Variants in RSU1 observed in about 807,000 individuals in gnomAD.
RSU1 encodes the protein Ras suppressor protein 1, also known as rsu-1.
Under a neutral mutation model 31.1 loss-of-function variants are expected in RSU1, and 26 were observed. The observed-to-expected ratio is 0.84, with a 90% CI of 0.61 to 1.16. The LOEUF (loss-of-function observed/expected upper bound fraction) is 1.16. Ranked by LOEUF, RSU1 falls within the 50% of genes most tolerant of loss-of-function variation. The pLI, the probability that RSU1 is intolerant of heterozygous loss-of-function variation, is 0.00. For synonymous variants in RSU1, 164 were observed against 136.3 expected, an observed-to-expected ratio of 1.20 and a Z score of -1.41; for missense variants, 320 against 339.1, an observed-to-expected ratio of 0.94 and a Z score of 0.44.
chr10:16,626,993 C>A (rs976008457), intron 8 of RSU1, among the ~76,000 whole-genome samples: 1 of 152,176 alleles, frequency 6.6e-6, no homozygotes, highest in Non-Finnish European at 1.5e-5. Flanking sequence ...GAATGCAAAG[C>A]ATTTTCTGGC....
intron 8 of RSU1, among the ~76,000 whole-genome samples, chr10:16,636,062 C>T (rs1834339709): frequency 6.6e-6 from 1 of 152,182 alleles, no homozygotes; most frequent in African/African-American, 2.4e-5. Flanking sequence ...TGCCTCCAGG[C>T]TTGGTGTATG....
chr10:16,796,363 G>A (rs146693665), intron 2 of RSU1, among the ~76,000 whole-genome samples: 4 of 152,150 alleles, frequency 2.6e-5, no homozygotes, highest in South Asian at 2.1e-4. Context: ...GCCTCGCTAC[G>A]TCTTCACTGT....
rs576890584 is a variant in RSU1 at position 16,662,180 on chromosome 10, C to A, written c.731+32843G>T. Reference sequence around the variant, plus strand: ...TGAGACCAAAATTCATTCTGTAACACCCACACAGCTGGTATAACACAATAC... The same window carrying A: ...TGAGACCAAAATTCATTCTGTAACAACCACACAGCTGGTATAACACAATAC... On this transcript the variant is annotated intron_variant, in intron 8 of 8. Transcript: ENST00000345264. 4.6e-5 allele frequency among the ~76,000 whole-genome samples: 7 copies of A among 152,174 alleles called. No individual in the cohort carries two copies. The South Asian group carries it at 1.4e-3, about 32-fold the overall frequency.
At chr10:16,800,738 A>G (rs1419908052) in intron 2 of RSU1, among the ~76,000 whole-genome samples, 1 of 152,232 alleles carries the variant, frequency 6.6e-6, no homozygotes, top group Non-Finnish European at 1.5e-5. Context: ...GAAGTGGCAC[A>G]GTGTTATTTA....
chr10:16,785,135 C>T (rs551612174), intron 2 of RSU1, among the ~76,000 whole-genome samples: 22 of 152,180 alleles, frequency 1.4e-4, no homozygotes, highest in Non-Finnish European at 2.8e-4. Flanking sequence ...CAGACCCACC[C>T]TTAATTTTGG....
intron 7 of RSU1, among the ~76,000 whole-genome samples, chr10:16,736,883 G>C (rs1236494988): frequency 6.6e-6 from 1 of 152,100 alleles, no homozygotes; most frequent in Non-Finnish European, 1.5e-5. Context: ...ACACTTGGAA[G>C]TGAAAAATGC....
chr10:16,649,631 T>C (rs756695539), intron 8 of RSU1, among the ~76,000 whole-genome samples: 2 of 152,184 alleles, frequency 1.3e-5, no homozygotes, highest in African/African-American at 4.8e-5. Context: ...TTAAGTTCTT[T>C]ATAGGCACGT....
intron 7 of RSU1, among the ~76,000 whole-genome samples, chr10:16,736,059 GA>G (rs1236332724): frequency 6.6e-6 from 1 of 152,292 alleles, no homozygotes; most frequent in East Asian, 1.9e-4. Flanking sequence ...TGAAAGGACA[GA>G]AATCAGAGTT....
chr10:16,807,867 C>T (rs1838307533), intron 2 of RSU1, among the ~76,000 whole-genome samples: 1 of 151,816 alleles, frequency 6.6e-6, no homozygotes, highest in Non-Finnish European at 1.5e-5. Flanking sequence ...ACGAAAAATA[C>T]AAAAAATTAG....
At chr10:16,670,931 A>G (rs112320036) in intron 8 of RSU1, among the ~76,000 whole-genome samples, 33 of 151,942 alleles carry the variant, frequency 2.2e-4, no homozygotes, top group African/African-American at 7.2e-4. Context: ...CGCCCGGCTA[A>G]TTTTTTGTAT....
At position 16,593,403 on chromosome 10, in the gene RSU1, C is replaced by A; in HGVS notation, c.825G>T (p.Lys275Asn). The A allele has an allele frequency of 1.2e-6, 2 of 1,614,072 alleles. No homozygotes were observed. The highest frequency in any genetic ancestry group is 1.7e-6 in the Non-Finnish European group (2 of 1,179,970). Residue 275 changes from lysine to asparagine, a missense_variant, in exon 9 of 9, where the codon AAG becomes AAT. Transcript: ENST00000345264. ...KKISRKPLAA[K>N]NR is the part of the protein sequence containing the mutation. ...GATGCCAATCCCTTCCTTATCTGTT[C>A]TTGGCTGCCAGGGGTTTCCGGCTGA...
At chr10:16,624,714 A>T (rs1430023558) in intron 8 of RSU1, among the ~76,000 whole-genome samples, 1 of 151,700 alleles carries the variant, frequency 6.6e-6, no homozygotes, top group Non-Finnish European at 1.5e-5. Flanking sequence ...ATCTGTGCAC[A>T]CTCTTTGATT....
intron 7 of RSU1, among the ~76,000 whole-genome samples, chr10:16,724,550 T>G (rs1242074517): frequency 6.6e-6 from 1 of 152,060 alleles, no homozygotes; most frequent in Non-Finnish European, 1.5e-5. Context: ...GAGAACATAC[T>G]AAAAGAAAAG....
intron 4 of RSU1, among the ~76,000 whole-genome samples, chr10:16,758,388 C>T (rs1837139309): frequency 1.3e-5 from 2 of 152,186 alleles, no homozygotes; most frequent in African/African-American, 2.4e-5. Flanking sequence ...CATCCATCCA[C>T]ATTTTGACAC....
chr10:16,724,277 T>A (rs1836338966), intron 7 of RSU1, among the ~76,000 whole-genome samples: 1 of 152,172 alleles, frequency 6.6e-6, no homozygotes, highest in Non-Finnish European at 1.5e-5. Flanking sequence ...AACAAAAACA[T>A]TTCTGTATAT....
At chr10:16,614,516 T>C (rs979902646) in intron 8 of RSU1, among the ~76,000 whole-genome samples, 1 of 152,116 alleles carries the variant, frequency 6.6e-6, no homozygotes, top group Non-Finnish European at 1.5e-5. Context: ...TATCAATGGA[T>C]TGTTTGTAAC....
intron 2 of RSU1, among the ~76,000 whole-genome samples, chr10:16,785,441 C>CACATATAT (rs1246350166): frequency 8.0e-5 from 11 of 137,582 alleles, no homozygotes; most frequent in Non-Finnish European, 1.5e-5. Flanking sequence ...TATATATATA[C>CACATATAT]ACATATATAC....
intron 8 of RSU1, among the ~76,000 whole-genome samples, chr10:16,637,829 A>C (rs1834372165): frequency 6.6e-6 from 1 of 152,140 alleles, no homozygotes; most frequent in South Asian, 2.1e-4. Flanking sequence ...CCTCAAAAAA[A>C]AAAAAAGTGA....
chr10:16,816,548 G>T (rs2131284706), intron 2 of RSU1, among the ~76,000 whole-genome samples: 1 of 152,288 alleles, frequency 6.6e-6, no homozygotes, highest in South Asian at 2.1e-4. Flanking sequence ...AAAGATTCAA[G>T]AAATGCTTAA....
Sources: gnomAD v4.1 joint callset for allele counts (sites outside exome capture counted in the v4.1 genomes callset) on GRCh38, gnomAD v4.1.1 for gene constraint, MANE v1.5 for transcripts, NCBI Gene and HGNC (gene_info 2026-07-23, HGNC 2026-07-21) for gene names.